CEMIP: variants seen among roughly 807,000 people sequenced by gnomAD.
The protein encoded by CEMIP is cell migration inducing hyaluronidase 1, also known as cell migration-inducing and hyaluronan-binding protein.
A neutral mutation model predicts 156.9 loss-of-function variants in CEMIP; 105 were observed. The observed-to-expected ratio is 0.67, with a 90% CI of 0.57 to 0.79. CEMIP has a LOEUF of 0.79. Ranked by LOEUF, CEMIP falls within the 30% of genes least tolerant of loss-of-function variation. The pLI is 0.00. For synonymous variants in CEMIP, 676 were observed against 668.4 expected, an observed-to-expected ratio of 1.01 and a Z score of -0.17; for missense variants, 1,457 against 1,769.4, an observed-to-expected ratio of 0.82 and a Z score of 3.17.
At position 80,924,157 on chromosome 15, in the gene CEMIP, C is replaced by T. The variant is rs112139347; in HGVS notation, c.2203-464C>T. 3.0e-3 allele frequency among the ~76,000 whole-genome samples: 456 copies of T among 152,336 alleles called. 2 individuals are homozygous for T. Among genetic ancestry groups the T allele is most frequent in the African/African-American group, 0.01 (432 of 41,584 alleles). ...AGAAAGCCAGATTCTCTCTTCAAGA[C>T]AGGCAGGAGCTAAAATGAAACTGTG... is the stretch of plus-strand genomic sequence containing the variant. On this transcript the variant is annotated intron_variant, in intron 17 of 29. Coordinates refer to ENST00000394685, the MANE Select transcript of CEMIP (RefSeq NM_001293298.2).
At chr15:80,814,537 C>T (rs889600149) in intron 1 of CEMIP, among the ~76,000 whole-genome samples, 7 of 152,200 alleles carry the variant, frequency 4.6e-5, no homozygotes, top group Non-Finnish European at 8.8e-5. Flanking sequence ...CAAGACCCAG[C>T]TCAATGTCAC....
intron 14 of CEMIP, 44 bp downstream of exon 14, chr15:80,909,350 G>A (rs1485925554): frequency 6.3e-7 from 1 of 1,593,414 alleles, no homozygotes; most frequent in Non-Finnish European, 8.6e-7. Flanking sequence ...ATGGGCCATG[G>A]ATGGTTAGCA....
At chr15:80,886,175 G>C (rs990178419) in intron 7 of CEMIP, among the ~76,000 whole-genome samples, 3 of 152,150 alleles carry the variant, frequency 2.0e-5, no homozygotes, top group Non-Finnish European at 2.9e-5. Flanking sequence ...GAACACATGA[G>C]GATGAGGCCA....
chr15:80,829,254 T>A (rs1373978934), intron 1 of CEMIP, among the ~76,000 whole-genome samples: 1 of 152,194 alleles, frequency 6.6e-6, no homozygotes, highest in Non-Finnish European at 1.5e-5. Context: ...TCTTTCCCGC[T>A]TGGGCCCTTC....
Position 80,906,714 on chromosome 15 carries a change from G to A in CEMIP, c.1463G>A (p.Arg488Gln), listed in dbSNP as rs143461686. The A allele has an allele frequency of 6.0e-5, 97 of 1,614,190 alleles. No homozygotes were observed. The East Asian group carries it at 6.9e-4, about 11-fold the overall frequency. ...IGEEIDGVDM[R>Q]AEVGLLSRNI... is the part of the protein sequence containing the mutation. ...GAGGAGATAGACGGCGTGGACATGC[G>A]GGCGGAGGTTGGGCTTCTGAGCCGG... The change falls in exon 13 of 30, where the codon CGG becomes CAG. Residue 488 changes from arginine to glutamine, a missense_variant. Physicochemically the swap from Arg to Gln is conservative, Grantham distance 43. Coordinates refer to ENST00000394685, the MANE Select transcript of CEMIP (RefSeq NM_001293298.2). The surrounding 1 kb of genome is among the most constrained non-coding windows in gnomAD (Gnocchi z 4.3).
At chr15:80,811,686 C>CTG (rs1364048071) in intron 1 of CEMIP, among the ~76,000 whole-genome samples, 3 of 152,306 alleles carry the variant, frequency 2.0e-5, no homozygotes, top group African/African-American at 7.2e-5. Flanking sequence ...TCCTGAGTAG[C>CTG]TGAGGCCACA....
At chr15:80,801,626 T>C (rs930994601) in intron 1 of CEMIP, among the ~76,000 whole-genome samples, 6 of 152,168 alleles carry the variant, frequency 3.9e-5, no homozygotes, top group Non-Finnish European at 5.9e-5. Flanking sequence ...CATAGTTACA[T>C]TGCAAAAGAC....
chr15:80,927,111 G>T (rs953763228), intron 19 of CEMIP, among the ~76,000 whole-genome samples: 1 of 152,238 alleles, frequency 6.6e-6, no homozygotes, highest in Non-Finnish European at 1.5e-5. Flanking sequence ...TTACAGGCGT[G>T]AGCCACTGTG....
chr15:80,902,253 T>C (rs1300280441), intron 12 of CEMIP, among the ~76,000 whole-genome samples: 2 of 152,246 alleles, frequency 1.3e-5, no homozygotes, highest in African/African-American at 4.8e-5. Flanking sequence ...TGCAGCCCTG[T>C]GTAGGGCAAC....
chr15:80,921,784 G>C (rs549645361), intron 16 of CEMIP, among the ~76,000 whole-genome samples: 1 of 152,390 alleles, frequency 6.6e-6, no homozygotes, highest in East Asian at 1.9e-4. Flanking sequence ...GTCTGATAGA[G>C]TAGGGCCCAT....
intron 1 of CEMIP, among the ~76,000 whole-genome samples, chr15:80,872,245 G>T (rs1433469208): frequency 6.6e-6 from 1 of 152,202 alleles, no homozygotes; most frequent in Non-Finnish European, 1.5e-5. Flanking sequence ...GTATCTGTTT[G>T]TTCCTGGGCA....
intron 1 of CEMIP, among the ~76,000 whole-genome samples, chr15:80,836,518 T>A (rs1897272675): frequency 6.6e-6 from 1 of 152,252 alleles, no homozygotes; most frequent in Non-Finnish European, 1.5e-5. Flanking sequence ...ACACATTCCG[T>A]AAAAAACAGC....
chr15:80,941,101 C>A (rs1016764202), intron 25 of CEMIP, among the ~76,000 whole-genome samples: 1 of 152,034 alleles, frequency 6.6e-6, no homozygotes, highest in Non-Finnish European at 1.5e-5. Flanking sequence ...GGTTTGGGGG[C>A]GAGGGCATTG....
chr15:80,809,505 T>A (rs910658597), intron 1 of CEMIP, among the ~76,000 whole-genome samples: 7 of 152,254 alleles, frequency 4.6e-5, no homozygotes, highest in Admixed American at 3.9e-4. Flanking sequence ...TGGATGAAAC[T>A]GATAGGTTAA....
intron 1 of CEMIP, among the ~76,000 whole-genome samples, chr15:80,813,631 C>T (rs375834951): frequency 3.3e-5 from 5 of 152,074 alleles, no homozygotes; most frequent in Admixed American, 6.5e-5. Context: ...CAGGTGTGAG[C>T]CACCACACCC....
At chr15:80,900,648 G>GTGTGTGTGTGTGTGTGTGTAT (rs1567090991) in intron 12 of CEMIP, among the ~76,000 whole-genome samples, 1 of 111,856 alleles carries the variant, frequency 8.9e-6, no homozygotes, top group African/African-American at 3.3e-5. Context: ...GTGTGTGTGT[G>GTGTGTGTGTGTGTGTGTGTAT]TCTGTGTGTG....
In CEMIP at chr15:80,922,104, A is replaced by G. The variant is rs967708394; in HGVS notation, c.2169A>G (p.Lys723=). ...ATTCAGAGCACATTCCACTGGGAAA[A>G]TTCTATAACAACCGAGCACATTCCA... is the stretch of plus-strand genomic sequence containing the variant. ...PGYSEHIPLG[K]FYNNRAHSNY... Residue 723 remains lysine (K), a synonymous_variant, in exon 17 of 30, where the codon AAA becomes AAG. Coordinates refer to ENST00000394685, the MANE Select transcript of CEMIP (RefSeq NM_001293298.2). 5.0e-6 allele frequency: 8 copies of G among 1,614,114 alleles called. No individual in the cohort carries two copies. Among genetic ancestry groups the G allele is most frequent in the African/African-American group, 1.3e-5 (1 of 74,938 alleles).
chr15:80,921,215 A>T, intron 16 of CEMIP, 114 bp downstream of exon 16: 1 of 925,038 alleles, frequency 1.1e-6, no homozygotes, highest in Non-Finnish European at 1.7e-6. Context: ...CCAGATATCC[A>T]TGCAGACGGG....
Position 80,948,917 on chromosome 15 carries a change from AGTT to A in CEMIP, c.4082_4084del (p.Leu1361del). 1 of 1,612,132 alleles carries A rather than the reference AGTT, an allele frequency of 6.2e-7. No homozygotes were observed. The highest frequency in any genetic ancestry group is 8.5e-7 in the Non-Finnish European group (1 of 1,178,098). On this transcript the variant is annotated inframe_deletion, in exon 30 of 30. Coordinates refer to ENST00000394685, the MANE Select transcript of CEMIP (RefSeq NM_001293298.2). ...CCCATCCCTGTGGTGAAGAAGAAGA[AGTT>A]GTGAGGACAGCTGCCGCCCGGTGCC...
Sources: gnomAD v4.1 joint callset for allele counts (sites outside exome capture counted in the v4.1 genomes callset) on GRCh38, gnomAD v4.1.1 for gene constraint, Gnocchi (gnomAD v3.1) non-coding constraint, MANE v1.5 for transcripts, NCBI Gene and HGNC (gene_info 2026-07-23, HGNC 2026-07-21) for gene names.